The following LPP variants were observed in gnomAD, a reference collection of about 807,000 sequenced individuals.
LPP encodes lipoma-preferred partner.
LPP carries 38 observed loss-of-function variants against 60.4 expected under a neutral mutation model. That is an observed-to-expected ratio of 0.63 (90% CI 0.49 to 0.83). The LOEUF (loss-of-function observed/expected upper bound fraction) is 0.83. Ranked by LOEUF, LPP falls within the 40% of genes least tolerant of loss-of-function variation. LPP has a pLI of 0.00. For missense variants in LPP, 902 were observed against 783.6 expected (o/e 1.15, Z -1.80); for synonymous variants, 328 against 290.8 (o/e 1.13, Z -1.30).
intron 6 of LPP, among the ~76,000 whole-genome samples, chr3:188,545,228 C>T (rs1219072910): frequency 1.6e-5 from 2 of 125,214 alleles, no homozygotes; most frequent in South Asian, 5.4e-4. Context: ...ACAATGTGCA[C>T]ATGTACCCTA....
At chr3:188,708,460 G>T in intron 8 of LPP, 67 bp downstream of exon 8, 1 of 1,607,536 alleles carries the variant, frequency 6.2e-7, no homozygotes. Flanking sequence ...TTAGTAATTG[G>T]AACTATTATC....
In LPP at chr3:188,178,399, GAC is replaced by G. The variant is rs1298501148; in HGVS notation, c.-190+24148_-190+24149del. ...ATCTGTTTTTTTTCTGTTGCCCAGG[GAC>G]TACTCTAAGCACCATGCTGGTTGCT... On this transcript the variant is annotated intron_variant, in intron 1 of 11. Transcript: ENST00000617246. The G allele has an allele frequency of 2.0e-5, 3 of 152,258 alleles. No homozygotes were observed. The East Asian group carries it at 5.8e-4, about 29-fold the overall frequency. 9.4% of individuals were successfully genotyped at this position (152,258 alleles called of 1,614,324 possible).
intron 2 of LPP, among the ~76,000 whole-genome samples, chr3:188,228,868 A>G (rs1032803238): frequency 6.6e-6 from 1 of 152,220 alleles, no homozygotes; most frequent in Non-Finnish European, 1.5e-5. Flanking sequence ...GTTAAATGCC[A>G]ACCTGTTTTG....
At chr3:188,692,859 A>G (rs570804914) in intron 7 of LPP, among the ~76,000 whole-genome samples, 155 of 152,352 alleles carry the variant, frequency 1.0e-3, no homozygotes, top group African/African-American at 3.6e-3. Context: ...ATGACTTTCT[A>G]TGCAAGAAGC....
chr3:188,447,832 G>A (rs9865055), intron 4 of LPP, among the ~76,000 whole-genome samples: 43,223 of 151,712 alleles, frequency 0.28, 6,404 homozygotes, highest in African/African-American at 0.31. Flanking sequence ...CCATAGAGTA[G>A]GGACAAGAAC....
chr3:188,565,042 C>T (rs16863434), intron 6 of LPP, among the ~76,000 whole-genome samples: 4,757 of 151,976 alleles, frequency 0.031, 112 homozygotes, highest in African/African-American at 0.06. Context: ...AAAGCCTGAA[C>T]CAACAGGACC....
chr3:188,405,415 CT>C (rs1355350937), intron 3 of LPP, among the ~76,000 whole-genome samples: 2 of 152,148 alleles, frequency 1.3e-5, no homozygotes, highest in Non-Finnish European at 2.9e-5. Flanking sequence ...CCTTTTAGTT[CT>C]TTTGCTTGCT....
chr3:188,362,741 C>G (rs1522292), intron 3 of LPP, among the ~76,000 whole-genome samples: 148,307 of 152,306 alleles, frequency 0.97, 72,325 homozygotes, highest in East Asian at 1. Context: ...AAGGTCACTG[C>G]GGAAGAAAAT....
At chr3:188,753,721 C>G (rs181331139) in intron 8 of LPP, among the ~76,000 whole-genome samples, 1 of 152,024 alleles carries the variant, frequency 6.6e-6, no homozygotes, top group Admixed American at 6.6e-5. Flanking sequence ...GTGTCTACCA[C>G]TCATCCTAGT....
Position 188,607,370 on chromosome 3 carries a change from GATATATATATAT to G in LPP, c.430-1755_430-1744del, listed in dbSNP as rs10527365. On this transcript the variant is annotated intron_variant, in intron 6 of 11. Coordinates refer to ENST00000617246, the MANE Select transcript of LPP (RefSeq NM_001375462.1). ...TATAACTGTATGTTTGAAAATAGAA[GATATATATATAT>G]ATATATATATATATATATATATATA... Among the ~76,000 whole-genome samples, 202 of 102,670 alleles carry G rather than the reference GATATATATATAT, an allele frequency of 2.0e-3. 2 individuals are homozygous for G. The highest frequency in any genetic ancestry group is 3.2e-3 in the Non-Finnish European group (151 of 46,564). 67.4% of individuals were successfully genotyped at this position (102,670 alleles called of 152,430 possible). A position where few individuals can be genotyped will look rare whatever the true frequency, so the allele number is the denominator to read the frequency against.
chr3:188,526,633 A>G (rs1254592266), intron 6 of LPP, among the ~76,000 whole-genome samples: 1 of 152,150 alleles, frequency 6.6e-6, no homozygotes, highest in African/African-American at 2.4e-5. Context: ...TTCTTAACAT[A>G]TAATGGAATT....
At chr3:188,441,276 A>G (rs537082888) in intron 4 of LPP, among the ~76,000 whole-genome samples, 197 of 152,238 alleles carry the variant, frequency 1.3e-3, no homozygotes, top group Non-Finnish European at 2.2e-3. Flanking sequence ...GTCCTACAAC[A>G]GTAATCTTCA....
chr3:188,872,684 T>C lies in LPP; in HGVS notation c.1631T>C (p.Met544Thr). Residue 544 changes from methionine to threonine, a missense_variant, in exon 11 of 12, where the codon ATG (methionine) becomes ACG (threonine). Physicochemically the swap from Met to Thr is moderately conservative, Grantham distance 81. Transcript: ENST00000617246. ...TGTTCTGTGTGCAAGGAGCCTATTA[T>C]GCCAGCCCCGGGCCAGGAGGAGACT... ...PRCSVCKEPI[M>T]PAPGQEETVR... 6.2e-7 allele frequency: 1 copy of C among 1,614,188 alleles called. No individual in the cohort carries two copies. Among genetic ancestry groups the C allele is most frequent in the Non-Finnish European group, 8.5e-7 (1 of 1,180,032 alleles).
chr3:188,668,362 A>C (rs1856250242), intron 7 of LPP, among the ~76,000 whole-genome samples: 2 of 152,194 alleles, frequency 1.3e-5, no homozygotes, highest in African/African-American at 4.8e-5. Context: ...TGATATGCAA[A>C]GTGGGTGTTG....
intron 9 of LPP, among the ~76,000 whole-genome samples, chr3:188,849,674 TA>T (rs5855228): frequency 0.22 from 33,320 of 152,060 alleles, 5,318 homozygotes; most frequent in East Asian, 0.8. Context: ...TCCATATGAA[TA>T]AAAAAATCTA....
intron 7 of LPP, among the ~76,000 whole-genome samples, chr3:188,707,075 T>C (rs1484072233): frequency 6.6e-6 from 1 of 152,194 alleles, no homozygotes; most frequent in African/African-American, 2.4e-5. Context: ...TTATTCTTCA[T>C]TGATGATCTC....
intron 4 of LPP, among the ~76,000 whole-genome samples, chr3:188,446,404 T>C (rs1245111624): frequency 6.6e-6 from 1 of 152,240 alleles, no homozygotes; most frequent in Admixed American, 6.5e-5. Flanking sequence ...CCATAGATTA[T>C]CTCAGCCTTT....
At chr3:188,527,818 G>A (rs965609463) in intron 6 of LPP, among the ~76,000 whole-genome samples, 12 of 149,970 alleles carry the variant, frequency 8.0e-5, no homozygotes, top group African/African-American at 2.9e-4. Context: ...GTGGGATCTC[G>A]GCTCACTGCA....
chr3:188,520,986 T>C (rs972172338), intron 5 of LPP, among the ~76,000 whole-genome samples: 3 of 152,084 alleles, frequency 2.0e-5, no homozygotes, highest in Non-Finnish European at 2.9e-5. Flanking sequence ...CTATAAGGGA[T>C]TGAGAGTAGC....
Sources: allele counts gnomAD v4.1 joint callset (sites outside exome capture counted in the v4.1 genomes callset), GRCh38; gene constraint gnomAD v4.1.1; transcripts MANE v1.5; gene names NCBI Gene and HGNC (gene_info 2026-07-23, HGNC 2026-07-21).